RCAN1: variants seen among roughly 807,000 people sequenced by gnomAD.
RCAN1 encodes the protein calcipressin-1.
Under a neutral mutation model 22.9 loss-of-function variants are expected in RCAN1, and 11 were observed. The ratio of observed to expected loss-of-function variants is 0.48; its 90% CI spans 0.30 to 0.79. The LOEUF (loss-of-function observed/expected upper bound fraction) is 0.79. RCAN1 is among the 30% of genes least tolerant of loss of function. The pLI is 0.06. For missense variants in RCAN1, 291 were observed against 337.8 expected (o/e 0.86, Z 1.09); for synonymous variants, 136 against 142.3 (o/e 0.96, Z 0.32).
At chr21:34,564,994 G>A (rs886527725) in intron 1 of RCAN1, among the ~76,000 whole-genome samples, 1 of 152,096 alleles carries the variant, frequency 6.6e-6, no homozygotes, top group Non-Finnish European at 1.5e-5. Context: ...GGGCCCAGGA[G>A]TTAAAGACCA....
intron 1 of RCAN1, among the ~76,000 whole-genome samples, chr21:34,607,700 CTGAT>C (rs10593744): frequency 0.07 from 10,728 of 152,188 alleles, 1,029 homozygotes; most frequent in African/African-American, 0.22. Context: ...TTTCTAAACA[CTGAT>C]TGCTCCACAG....
At chr21:34,524,942 G>C in intron 1 of RCAN1, 1 of 1,370,460 alleles carries the variant, frequency 7.3e-7, no homozygotes, top group Non-Finnish European at 9.7e-7. Context: ...GCTTCTAGTC[G>C]CCGGGTTTTG....
Position 34,518,692 on chromosome 21 carries a change from G to A in RCAN1, c.587-436C>T, listed in dbSNP as rs1984234278. Among the ~76,000 whole-genome samples, 1 of 152,222 alleles carries A rather than the reference G, an allele frequency of 6.6e-6. No individual in the cohort carries two copies. The highest frequency in any genetic ancestry group is 1.5e-5 in the Non-Finnish European group (1 of 68,048). ...TCCCTCATGCAGCTCCTATTTGAGG[G>A]TCGCAGTGCACGCCCAGGAAGGGCG... On this transcript the variant is annotated intron_variant, in intron 3 of 3. Transcript: ENST00000313806. The surrounding 1 kb of genome is among the most constrained non-coding windows in gnomAD (Gnocchi z 4.2).
At chr21:34,601,585 A>G (rs540428719) in intron 1 of RCAN1, among the ~76,000 whole-genome samples, 12 of 152,260 alleles carry the variant, frequency 7.9e-5, no homozygotes, top group South Asian at 2.1e-4. Flanking sequence ...TTGGGAGGCC[A>G]AGGTGGGCGG....
At chr21:34,532,023 C>T (rs1284695479) in intron 1 of RCAN1, among the ~76,000 whole-genome samples, 5 of 151,884 alleles carry the variant, frequency 3.3e-5, no homozygotes, top group Non-Finnish European at 7.4e-5. Flanking sequence ...GGGCTGGGGG[C>T]GGGGGTAGAT....
chr21:34,567,763 C>T (rs897232259), intron 1 of RCAN1, among the ~76,000 whole-genome samples: 8 of 152,152 alleles, frequency 5.3e-5, no homozygotes, highest in Non-Finnish European at 1.0e-4. Flanking sequence ...GCACGGGCGC[C>T]ACTGGAATTT....
chr21:34,559,954 C>T (rs1238534183), intron 1 of RCAN1: 1 of 152,140 alleles, frequency 6.6e-6, no homozygotes, highest in Non-Finnish European at 1.5e-5. Context: ...CACTGACATG[C>T]CTTCAAGTTT....
intron 1 of RCAN1, among the ~76,000 whole-genome samples, chr21:34,534,482 C>T (rs142310268): frequency 1.3e-5 from 2 of 152,252 alleles, no homozygotes; most frequent in Non-Finnish European, 2.9e-5. Flanking sequence ...CATACTACAA[C>T]AAAAGCTTCA....
intron 1 of RCAN1, among the ~76,000 whole-genome samples, chr21:34,606,390 G>A (rs116802923): frequency 6.6e-6 from 1 of 152,110 alleles, no homozygotes; most frequent in Non-Finnish European, 1.5e-5. Context: ...ACCTGCAACT[G>A]TCTTGGTAAA....
intron 1 of RCAN1, among the ~76,000 whole-genome samples, chr21:34,579,830 C>T (rs1287945075): frequency 6.6e-6 from 1 of 152,158 alleles, no homozygotes; most frequent in Admixed American, 6.5e-5. Flanking sequence ...AAGAGGAGAG[C>T]GACAGGTTGG....
rs1260758978 is a variant in RCAN1 at position 34,603,369 on chromosome 21, T to C, written c.252+11391A>G. On this transcript the variant is annotated intron_variant, in intron 1 of 3. Transcript: ENST00000313806. ...GCAATATTACCGGGTTCCAGCTGGC[T>C]TGGACTCCCGAAGTCCCCCGGTTTG... is the stretch of plus-strand genomic sequence containing the variant. Among the ~76,000 whole-genome samples the C allele has an allele frequency of 1.1e-4, 10 of 89,038 alleles. No individual in the cohort carries two copies. The Admixed American group carries it at 1.4e-3, about 12-fold the overall frequency. The allele number at this position is 89,038 out of a possible 152,430, so 58.4% of individuals were successfully genotyped here. A position where few individuals can be genotyped will look rare whatever the true frequency, so the allele number is the denominator to read the frequency against.
In RCAN1 at chr21:34,548,931, C is replaced by T. The variant is rs191285037; in HGVS notation, c.253-25221G>A. On this transcript the variant is annotated intron_variant, in intron 1 of 3. Transcript: ENST00000313806. The stretch of plus-strand genomic sequence containing the variant: ...TTTTCCTCTTTGCACTTATTTTGTG[C>T]GCTTGTTTCTTGTTTTGTGTAGGTT... Among the ~76,000 whole-genome samples, 53 of 152,224 alleles carry T rather than the reference C, an allele frequency of 3.5e-4. 1 individual carries two copies. Among genetic ancestry groups the T allele is most frequent in the Admixed American group, 1.5e-3 (23 of 15,294 alleles).
At chr21:34,523,809 GT>G in intron 1 of RCAN1, 99 bp from the exon 2 acceptor site, 1 of 969,432 alleles carries the variant, frequency 1.0e-6, no homozygotes, top group Non-Finnish European at 1.5e-6. Flanking sequence ...TCGAGACAGA[GT>G]CTTGCTCTGT....
At chr21:34,519,397 C>CTTTCTTTTT (rs1555853490) in intron 3 of RCAN1, among the ~76,000 whole-genome samples, 2 of 102,788 alleles carry the variant, frequency 1.9e-5, no homozygotes, top group African/African-American at 3.7e-5. Context: ...TTCTTTCTTT[C>CTTTCTTTTT]TTTTTTTTTT....
chr21:34,553,676 T>G (rs1217599620), intron 1 of RCAN1, among the ~76,000 whole-genome samples: 4 of 152,220 alleles, frequency 2.6e-5, no homozygotes, highest in Non-Finnish European at 5.9e-5. Flanking sequence ...ATTCCTAAGA[T>G]GAACCACTGT....
At chr21:34,585,055 TA>T (rs774464201) in intron 1 of RCAN1, among the ~76,000 whole-genome samples, 1 of 152,230 alleles carries the variant, frequency 6.6e-6, no homozygotes, top group East Asian at 1.9e-4. Flanking sequence ...CATTCTTGTT[TA>T]AAACAAAATT....
intron 1 of RCAN1, among the ~76,000 whole-genome samples, chr21:34,527,953 T>C (rs1985169425): frequency 6.6e-6 from 1 of 152,134 alleles, no homozygotes; most frequent in Non-Finnish European, 1.5e-5. Flanking sequence ...GGAGAAGTGC[T>C]CTGCGATGCA....
chr21:34,570,771 T>C (rs920337844), intron 1 of RCAN1, among the ~76,000 whole-genome samples: 1 of 152,164 alleles, frequency 6.6e-6, no homozygotes, highest in African/African-American at 2.4e-5. Context: ...CAAGTGAACT[T>C]GCTCCAAATA....
chr21:34,585,541 A>G (rs1465232663), intron 1 of RCAN1, among the ~76,000 whole-genome samples: 1 of 152,156 alleles, frequency 6.6e-6, no homozygotes, highest in Non-Finnish European at 1.5e-5. Context: ...CAGGAGATCA[A>G]GACCATCCTG....
Sources: allele counts gnomAD v4.1 joint callset (sites outside exome capture counted in the v4.1 genomes callset), GRCh38; gene constraint gnomAD v4.1.1; non-coding constraint Gnocchi (gnomAD v3.1); transcripts MANE v1.5; gene names NCBI Gene and HGNC (gene_info 2026-07-23, HGNC 2026-07-21).